POGZ: variants seen among roughly 807,000 people sequenced by gnomAD.
The protein encoded by POGZ is pogo transposable element derived with ZNF domain, also known as pogo transposable element with ZNF domain.
Under a neutral mutation model 134.6 loss-of-function variants are expected in POGZ, and 17 were observed. The observed-to-expected ratio is 0.13, with a 90% CI of 0.09 to 0.19. POGZ has a LOEUF of 0.19. Among genes scored for constraint, POGZ ranks in the 10% least tolerant of loss-of-function variants. The pLI is 1.00. For synonymous variants in POGZ, 693 were observed against 657.1 expected (o/e 1.05, Z -0.84); for missense variants, 1,306 against 1,769.7 (o/e 0.74, Z 4.70).
At chr1:151,440,867 AC>A in intron 3 of POGZ, 60 bp downstream of exon 3, 1 of 1,437,362 alleles carries the variant, frequency 7.0e-7, no homozygotes, top group Non-Finnish European at 9.8e-7. Flanking sequence ...TGTCCCTGAG[AC>A]CTTTTTTATT....
intron 1 of POGZ, among the ~76,000 whole-genome samples, chr1:151,454,155 C>T (rs960563078): frequency 3.9e-5 from 6 of 152,112 alleles, no homozygotes; most frequent in Admixed American, 1.3e-4. Context: ...CCAGTACATA[C>T]CTGCCCAAAA....
chr1:151,454,411 C>G (rs1662522148), intron 1 of POGZ, among the ~76,000 whole-genome samples: 1 of 152,106 alleles, frequency 6.6e-6, no homozygotes, highest in Non-Finnish European at 1.5e-5. Context: ...TTTTATTTAT[C>G]CAGTCTTTTG....
At position 151,428,040 on chromosome 1, in the gene POGZ, A is replaced by G; in HGVS notation, c.861T>C (p.Ala287=). Residue 287 remains alanine, a splice_region_variant and synonymous_variant, in exon 7 of 19, where the codon GCT becomes GCC. Coordinates refer to ENST00000271715, the MANE Select transcript of POGZ (RefSeq NM_015100.4). ...CTGCAGGTGGAGAGGGGAAGGAGGGAGCTACGGTGACCAAGTGATAATCAT... is the reference window on the plus strand; with the variant it reads ...CTGCAGGTGGAGAGGGGAAGGAGGGGGCTACGGTGACCAAGTGATAATCAT... The part of the protein sequence containing the change: ...QSNQTTNPKL[A]PSFPSPPAVS... 1 of 1,614,058 alleles carries G rather than the reference A, an allele frequency of 6.2e-7. No homozygotes were observed. Among genetic ancestry groups the G allele is most frequent in the Non-Finnish European group, 8.5e-7 (1 of 1,179,930 alleles).
At chr1:151,439,023 A>T (rs551529302) in intron 3 of POGZ, 12 of 152,306 alleles carry the variant, frequency 7.9e-5, no homozygotes, top group African/African-American at 2.9e-4. Flanking sequence ...GTAGTGGGTT[A>T]TCAGAACTTA....
chr1:151,406,836 C>A (rs1653734745), intron 17 of POGZ, 75 bp downstream of exon 17: 4 of 1,157,136 alleles, frequency 3.5e-6, no homozygotes, highest in Non-Finnish European at 3.9e-6. Flanking sequence ...AGTAGGTATG[C>A]TCCTGATGCA....
At chr1:151,427,724 T>C in intron 7 of POGZ, 99 bp downstream of exon 7, 1 of 817,724 alleles carries the variant, frequency 1.2e-6, no homozygotes. Context: ...CTGTATTTTA[T>C]TTTATTTTTC....
At chr1:151,408,012 C>CAAAAAAAA in intron 15 of POGZ, 88 bp downstream of exon 15, 1 of 910,236 alleles carries the variant, frequency 1.1e-6, no homozygotes, top group African/African-American at 2.2e-5. Context: ...ACCCTGTCTT[C>CAAAAAAAA]AAAAAAAAAA....
chr1:151,440,786 T>A, intron 3 of POGZ, 142 bp downstream of exon 3: 1 of 650,294 alleles, frequency 1.5e-6, no homozygotes, highest in Non-Finnish European at 2.7e-6. Flanking sequence ...CACTTCCGTA[T>A]CAGAGAATCA....
chr1:151,429,950 A>G (rs1257791629), intron 4 of POGZ, among the ~76,000 whole-genome samples: 1 of 150,032 alleles, frequency 6.7e-6, no homozygotes, highest in East Asian at 2.0e-4. Flanking sequence ...ATGAAAACCT[A>G]TTTCCTGACT....
chr1:151,409,398 AG>A (rs1654261459), intron 12 of POGZ, among the ~76,000 whole-genome samples: 2 of 81,610 alleles, frequency 2.5e-5, no homozygotes, highest in Non-Finnish European at 9.0e-5. Flanking sequence ...TTTTTGAGAC[AG>A]GGTCTCTCTC....
At chr1:151,443,687 C>A (rs1228731162) in intron 1 of POGZ, among the ~76,000 whole-genome samples, 1 of 152,066 alleles carries the variant, frequency 6.6e-6, no homozygotes, top group African/African-American at 2.4e-5. Flanking sequence ...GCACTCCAGC[C>A]TGGGCAACAA....
chr1:151,408,668 A>G (rs369758149), intron 13 of POGZ, 26 bp downstream of exon 13: 569 of 1,610,872 alleles, frequency 3.5e-4, no homozygotes, highest in Non-Finnish European at 4.7e-4. Flanking sequence ...CCCTGGGCCT[A>G]TAAAAGACAC....
At chr1:151,432,844 C>G (rs558459525) in intron 3 of POGZ, among the ~76,000 whole-genome samples, 36 of 152,204 alleles carry the variant, frequency 2.4e-4, no homozygotes, top group Admixed American at 6.5e-4. Flanking sequence ...ATCAAATACC[C>G]AGTCAAAATT....
In POGZ at chr1:151,408,016, A is replaced by T. The variant is rs369004267; in HGVS notation, c.2375+84T>A. 1,265 of 867,986 alleles carry T rather than the reference A, an allele frequency of 1.5e-3. 6 individuals are homozygous for T. In the African/African-American group the frequency reaches 0.029, roughly 20 times the overall value. 53.8% of individuals were successfully genotyped at this position (867,986 alleles called of 1,614,324 possible). A position where few individuals can be genotyped will look rare whatever the true frequency, so the allele number is the denominator to read the frequency against. On this transcript the variant is annotated intron_variant, in intron 15 of 18. Transcript: ENST00000271715. ...GACAGAGTGAGACCCTGTCTTCAAA[A>T]AAAAAAAAAAAAAAAGAAGAAGAAG...
At chr1:151,438,146 G>A (rs755701715) in intron 3 of POGZ, among the ~76,000 whole-genome samples, 12 of 152,042 alleles carry the variant, frequency 7.9e-5, no homozygotes, top group Non-Finnish European at 1.3e-4. Flanking sequence ...GGGAAGTGGA[G>A]GTTGCAGTGG....
At chr1:151,439,631 G>C (rs1660199907) in intron 3 of POGZ, among the ~76,000 whole-genome samples, 1 of 152,130 alleles carries the variant, frequency 6.6e-6, no homozygotes, top group African/African-American at 2.4e-5. Flanking sequence ...TAATCACAAA[G>C]GATGGGGACC....
intron 1 of POGZ, among the ~76,000 whole-genome samples, 194 bp downstream of exon 1, chr1:151,458,958 C>A (rs1663164336): frequency 6.9e-6 from 1 of 144,286 alleles, no homozygotes; most frequent in African/African-American, 2.5e-5. Context: ...ACCCCGCGGC[C>A]GCCCCTGCCG....
chr1:151,441,834 T>G (rs1043905974), intron 2 of POGZ, among the ~76,000 whole-genome samples: 6 of 152,246 alleles, frequency 3.9e-5, no homozygotes, highest in Non-Finnish European at 8.8e-5. Context: ...TGCTAGATAT[T>G]TGATAAACAC....
Position 151,430,802 on chromosome 1 carries a change from A to G in POGZ, c.323T>C (p.Ile108Thr). Residue 108 changes from isoleucine to threonine, a missense_variant, in exon 4 of 19, where the codon ATC (isoleucine) becomes ACC (threonine). Coordinates refer to ENST00000271715, the MANE Select transcript of POGZ (RefSeq NM_015100.4). ...PLVQQGGQPLILTQNPAPGLG... is the reference protein window; with the variant it reads ...PLVQQGGQPLTLTQNPAPGLG... ...ACCTGGGGCTGGATTCTGGGTCAGG[A>G]TGAGTGGCTGTCCACCTTGCTGGAC... is the stretch of plus-strand genomic sequence containing the variant. 1 of 1,591,990 alleles carries G rather than the reference A, an allele frequency of 6.3e-7. No homozygotes were observed. Among genetic ancestry groups the G allele is most frequent in the Non-Finnish European group, 8.5e-7 (1 of 1,171,660 alleles).
Sources: allele counts gnomAD v4.1 joint callset (sites outside exome capture counted in the v4.1 genomes callset), GRCh38; gene constraint gnomAD v4.1.1; transcripts MANE v1.5; gene names NCBI Gene and HGNC (gene_info 2026-07-23, HGNC 2026-07-21).